RERE: variants seen among roughly 807,000 people sequenced by gnomAD.
The protein encoded by RERE is arginine-glutamic acid dipeptide repeats protein.
A neutral mutation model predicts 146.1 loss-of-function variants in RERE; 40 were observed. That is an observed-to-expected ratio of 0.27 (90% confidence interval 0.21 to 0.36). The LOEUF (loss-of-function observed/expected upper bound fraction) is 0.36, where lower values mean the gene tolerates loss of function less well. Ranked by LOEUF, RERE falls within the 10% of genes least tolerant of loss-of-function variation. The pLI, the probability that RERE is intolerant of heterozygous loss-of-function variation, is 1.00. For missense variants in RERE, 1,933 were observed against 2,138.7 expected (o/e 0.90, Z 1.90); for synonymous variants, 1,003 against 866.0 (o/e 1.16, Z -2.78).
intron 8 of RERE, among the ~76,000 whole-genome samples, chr1:8,498,732 T>TATATATACACACACACACAC (rs150497092): frequency 9.3e-6 from 1 of 107,836 alleles, no homozygotes; most frequent in African/African-American, 3.8e-5. Flanking sequence ...AATAAATATA[T>TATATATACACACACACACAC]ACACACACAC....
Position 8,466,020 on chromosome 1 carries a change from G to C in RERE, c.1108C>G (p.His370Asp), listed in dbSNP as rs1281495659. The change falls in exon 11 of 23, where the codon CAT becomes GAT. Residue 370 changes from histidine (H) to aspartate (D), a missense_variant. By Grantham distance (81) the His-to-Asp change is moderately conservative. Around this residue, in one of 11 missense-constraint regions of RERE, gnomAD observed 260 missense variants for 378.4 expected, o/e 0.69. Transcript: ENST00000400908. ...TTGCCAGCATCGTAACCGCTTTCAT[G>C]CAGCTAAAACAACAACAATTATAGT... ...DTTLNALNTL[H>D]ESGYDAGKAL... The C allele has an allele frequency of 6.2e-7, 1 of 1,608,094 alleles. No individual in the cohort carries two copies. The highest frequency in any genetic ancestry group is 1.3e-5 in the African/African-American group (1 of 74,776).
chr1:8,509,819 G>A (rs1645309629), intron 7 of RERE, among the ~76,000 whole-genome samples: 1 of 152,162 alleles, frequency 6.6e-6, no homozygotes, highest in African/African-American at 2.4e-5. Context: ...ACAAAACAGT[G>A]TCAAAGAAGA....
Position 8,358,725 on chromosome 1 carries a change from G to A in RERE, c.3810C>T (p.Arg1270=). The A allele has an allele frequency of 6.2e-7, 1 of 1,605,950 alleles. No individual in the cohort carries two copies. The highest frequency in any genetic ancestry group is 8.5e-7 in the Non-Finnish European group (1 of 1,175,174). Residue 1270 remains arginine (R), a synonymous_variant, in exon 20 of 23, where the codon CGC becomes CGT. Transcript: ENST00000400908. ...ARPHVMSPTN[R]NHPFYMPLNP... ...TAAGGGGCATGTAGAAGGGGTGGTTGCGGTTGGTGGGCGACATGACGTGGG... is the reference window on the plus strand; with the variant it reads ...TAAGGGGCATGTAGAAGGGGTGGTTACGGTTGGTGGGCGACATGACGTGGG...
intron 2 of RERE, among the ~76,000 whole-genome samples, chr1:8,651,043 G>C (rs1199731471): frequency 6.6e-6 from 1 of 151,884 alleles, no homozygotes; most frequent in Non-Finnish European, 1.5e-5. Flanking sequence ...GTTGCAGTGA[G>C]TTGAGATCTC....
chr1:8,721,256 C>T (rs1639858489), intron 1 of RERE, among the ~76,000 whole-genome samples: 1 of 152,124 alleles, frequency 6.6e-6, no homozygotes, highest in Non-Finnish European at 1.5e-5. Context: ...AACACAAGAT[C>T]TCAGGAAATG....
intron 2 of RERE, among the ~76,000 whole-genome samples, chr1:8,650,592 G>C (rs1647563673): frequency 6.6e-6 from 1 of 151,848 alleles, no homozygotes; most frequent in Non-Finnish European, 1.5e-5. Flanking sequence ...GTAAAACCCT[G>C]TCTCTACAAA....
chr1:8,509,520 A>G (rs1049326729), intron 7 of RERE, among the ~76,000 whole-genome samples: 1 of 152,224 alleles, frequency 6.6e-6, no homozygotes, highest in Non-Finnish European at 1.5e-5. Context: ...ATAAAGCAAC[A>G]AACAGGGACA....
At chr1:8,500,338 TAGAC>T (rs1426460579) in intron 8 of RERE, among the ~76,000 whole-genome samples, 5 of 152,144 alleles carry the variant, frequency 3.3e-5, no homozygotes, top group South Asian at 2.1e-4. Flanking sequence ...GAAATATAAT[TAGAC>T]AGTTTACAGA....
At chr1:8,755,208 G>C (rs1557522726) in intron 1 of RERE, among the ~76,000 whole-genome samples, 1 of 152,170 alleles carries the variant, frequency 6.6e-6, no homozygotes, top group Admixed American at 6.5e-5. Context: ...CAGTACAGAT[G>C]GACTTTGTAG....
intron 8 of RERE, among the ~76,000 whole-genome samples, chr1:8,504,557 G>C (rs1570357991): frequency 6.6e-6 from 1 of 152,160 alleles, no homozygotes; most frequent in African/African-American, 2.4e-5. Flanking sequence ...ATGGATCTAA[G>C]AAATAATCAG....
In RERE at chr1:8,758,468, T is replaced by C. The variant is rs184431721; in HGVS notation, c.-145+58692A>G. On this transcript the variant is annotated intron_variant, in intron 1 of 22. Coordinates refer to ENST00000400908, the MANE Select transcript of RERE (RefSeq NM_001042681.2). ...GTGCAGCGGCACAATCATAACTCACTGTAACCTCAAATTCCTGGGTGCAAG... is the reference window on the plus strand; with the variant it reads ...GTGCAGCGGCACAATCATAACTCACCGTAACCTCAAATTCCTGGGTGCAAG... 1.1e-3 allele frequency among the ~76,000 whole-genome samples: 168 copies of C among 151,604 alleles called. 1 individual carries two copies. Among genetic ancestry groups the C allele is most frequent in the African/African-American group, 1.9e-3 (80 of 41,280 alleles).
intron 1 of RERE, among the ~76,000 whole-genome samples, chr1:8,704,838 T>G (rs974261790): frequency 8.5e-5 from 13 of 152,208 alleles, no homozygotes; most frequent in African/African-American, 2.9e-4. Context: ...CCCTGAAAGG[T>G]GGCTGTGATC....
At chr1:8,519,139 G>T (rs1028556053) in intron 7 of RERE, among the ~76,000 whole-genome samples, 1 of 152,178 alleles carries the variant, frequency 6.6e-6, no homozygotes, top group Non-Finnish European at 1.5e-5. Context: ...CCAGCACTTT[G>T]GGTGGCCAAG....
chr1:8,355,154 T>C, intron 22 of RERE, 34 bp from the exon 23 acceptor site: 1 of 1,611,842 alleles, frequency 6.2e-7, no homozygotes, highest in Non-Finnish European at 8.5e-7. Context: ...GTATTTAGTC[T>C]CAGGCCTAGG....
intron 1 of RERE, among the ~76,000 whole-genome samples, chr1:8,775,697 CAAGT>C (rs150730307): frequency 0.011 from 1,712 of 152,204 alleles, 13 homozygotes; most frequent in Non-Finnish European, 0.018. Context: ...TTCTAGGAAA[CAAGT>C]AACTAACATA....
chr1:8,799,753 T>C (rs1411161169), intron 1 of RERE, among the ~76,000 whole-genome samples: 1 of 152,066 alleles, frequency 6.6e-6, no homozygotes, highest in Non-Finnish European at 1.5e-5. Flanking sequence ...TTTGTGATTT[T>C]TTTTTTTTAT....
At chr1:8,450,953 C>T (rs17032605) in intron 11 of RERE, among the ~76,000 whole-genome samples, 1,664 of 152,290 alleles carry the variant, frequency 0.011, 26 homozygotes, top group African/African-American at 0.038. Flanking sequence ...AGCCATCTAC[C>T]GGTAGCCATA....
Position 8,354,907 on chromosome 1 carries a change from A to T in RERE, c.*180T>A. 1.6e-6 allele frequency: 1 copy of T among 609,554 alleles called. No homozygotes were observed. Among genetic ancestry groups the T allele is most frequent in the Non-Finnish European group, 2.9e-6 (1 of 350,290 alleles). The allele number at this position is 609,554 out of a possible 1,614,324, so 37.8% of individuals were successfully genotyped here. On this transcript the variant is annotated 3_prime_UTR_variant, in exon 23 of 23. Coordinates refer to ENST00000400908, the MANE Select transcript of RERE (RefSeq NM_001042681.2). ...AGGGAGATCCAAACCAGTCTCAGGA[A>T]ATCCTCTCGACAAACGAACACTACT...
chr1:8,371,191 A>G (rs1212194763), intron 12 of RERE, among the ~76,000 whole-genome samples: 1 of 152,182 alleles, frequency 6.6e-6, no homozygotes, highest in Non-Finnish European at 1.5e-5. Flanking sequence ...CCATTGGGCT[A>G]TATTTAGCAG....
Sources: allele counts gnomAD v4.1 joint callset (sites outside exome capture counted in the v4.1 genomes callset), GRCh38; gene constraint gnomAD v4.1.1; regional missense constraint gnomAD v4.1.1; transcripts MANE v1.5; gene names NCBI Gene and HGNC (gene_info 2026-07-23, HGNC 2026-07-21).